ECM2: variants seen among roughly 807,000 people sequenced by gnomAD.
ECM2 encodes the protein extracellular matrix protein 2.
A neutral mutation model predicts 67.5 loss-of-function variants in ECM2; 57 were observed. The observed-to-expected ratio is 0.84, with a 90% CI of 0.68 to 1.05. ECM2 has a LOEUF of 1.05. Ranked by LOEUF, ECM2 falls within the 50% of genes least tolerant of loss-of-function variation. The pLI, the probability that ECM2 is intolerant of heterozygous loss-of-function variation, is 0.00. For synonymous variants in ECM2, 258 were observed against 294.5 expected (o/e 0.88, Z 1.27); for missense variants, 741 against 822.8 (o/e 0.90, Z 1.22).
the ECM2 span, among the ~76,000 whole-genome samples, chr9:92,555,506 G>A: frequency 6.6e-6 from 1 of 152,138 alleles, no homozygotes; most frequent in South Asian, 2.1e-4. Context: ...TGGGATTACA[G>A]GTATGAACCA....
intron 9 of ECM2, among the ~76,000 whole-genome samples, chr9:92,497,398 G>A (rs1385704910): frequency 6.6e-6 from 1 of 152,128 alleles, no homozygotes; most frequent in Non-Finnish European, 1.5e-5. Context: ...GCCAAGGTGG[G>A]TGGATCACCT....
intron 1 of ECM2, among the ~76,000 whole-genome samples, chr9:92,534,884 T>C (rs1350604969): frequency 1.3e-5 from 2 of 152,194 alleles, no homozygotes; most frequent in African/African-American, 4.8e-5. Context: ...CCTTCCATCC[T>C]GTTGTGAGGA....
intron 9 of ECM2, among the ~76,000 whole-genome samples, chr9:92,498,760 A>T (rs532624913): frequency 1.3e-5 from 2 of 152,344 alleles, no homozygotes; most frequent in Non-Finnish European, 2.9e-5. Context: ...AGTAATAATG[A>T]TGTCATTTTG....
At chr9:92,534,105 G>A (rs1473351606) in intron 1 of ECM2, among the ~76,000 whole-genome samples, 1 of 152,076 alleles carries the variant, frequency 6.6e-6, no homozygotes, top group Non-Finnish European at 1.5e-5. Context: ...GACTGTTCAA[G>A]GGTACATTTT....
chr9:92,542,372 G>C, the ECM2 span, among the ~76,000 whole-genome samples: 3 of 152,098 alleles, frequency 2.0e-5, no homozygotes, highest in East Asian at 5.8e-4. Context: ...TTCGTTTACT[G>C]TGTAGATATT....
intron 9 of ECM2, 38 bp downstream of exon 9, chr9:92,500,689 C>T: frequency 6.4e-7 from 1 of 1,571,548 alleles, no homozygotes; most frequent in Non-Finnish European, 8.6e-7. Flanking sequence ...TTTTGCCAAC[C>T]AAAATTTAAA....
At chr9:92,533,328 A>AAAAAAAAAATATATAT (rs1554683138) in intron 1 of ECM2, among the ~76,000 whole-genome samples, 2 of 38,332 alleles carry the variant, frequency 5.2e-5, no homozygotes, top group Non-Finnish European at 8.5e-5. Flanking sequence ...AAAAAAAAAA[A>AAAAAAAAAATATATAT]ATATATATAT....
intron 2 of ECM2, among the ~76,000 whole-genome samples, chr9:92,522,020 A>G (rs1270918183): frequency 6.6e-6 from 1 of 152,178 alleles, no homozygotes; most frequent in African/African-American, 2.4e-5. Context: ...ATTTTTGTCT[A>G]ATAATTATAA....
In ECM2 at chr9:92,496,523, T is replaced by C. The variant is rs776505176; in HGVS notation, c.1932-40A>G. The C allele has an allele frequency of 3.2e-6, 5 of 1,583,136 alleles. No homozygotes were observed. In the Admixed American group the frequency reaches 5.9e-5, roughly 19 times the overall value. On this transcript the variant is annotated intron_variant, in intron 9 of 9. Coordinates refer to ENST00000344604, the MANE Select transcript of ECM2 (RefSeq NM_001393.4). ...ACATGCAAGTCACACATGGTCCCAG[T>C]AATAATCTGCCTTTAGGAGTTAAGT... is the stretch of plus-strand genomic sequence containing the variant.
chr9:92,513,628 T>A (rs979254874), intron 4 of ECM2, among the ~76,000 whole-genome samples: 1 of 152,198 alleles, frequency 6.6e-6, no homozygotes, highest in Non-Finnish European at 1.5e-5. Flanking sequence ...GAACTACTGA[T>A]ACACAAAACA....
chr9:92,532,013 A>ATGTTTTTT (rs1848794903), intron 1 of ECM2, among the ~76,000 whole-genome samples: 1 of 68,914 alleles, frequency 1.5e-5, no homozygotes, highest in African/African-American at 1.2e-4. Context: ...TTTTTATTTA[A>ATGTTTTTT]TGTTTTTTTT....
At chr9:92,548,504 C>T in the ECM2 span, among the ~76,000 whole-genome samples, 1 of 152,052 alleles carries the variant, frequency 6.6e-6, no homozygotes, top group African/African-American at 2.4e-5. Context: ...TTTTCTACAA[C>T]ACAAATGTAG....
At position 92,500,833 on chromosome 9, in the gene ECM2, AATG is replaced by A; in HGVS notation, c.1822_1824del (p.His608del). The A allele has an allele frequency of 6.2e-7, 1 of 1,614,220 alleles. No individual in the cohort carries two copies. Among genetic ancestry groups the A allele is most frequent in the Non-Finnish European group, 8.5e-7 (1 of 1,180,038 alleles). Reference sequence around the variant, plus strand: ...TGATCCAGAAATAATTCTCTCAGAGAATGATATGCCCCATAGAAGGAGACACGG... The same window carrying A: ...TGATCCAGAAATAATTCTCTCAGAGAATATGCCCCATAGAAGGAGACACGG... On this transcript the variant is annotated inframe_deletion, in exon 9 of 10. Coordinates refer to ENST00000344604, the MANE Select transcript of ECM2 (RefSeq NM_001393.4).
Position 92,514,836 on chromosome 9 carries a change from C to T in ECM2, c.849G>A (p.Glu283=). 1 of 1,612,032 alleles carries T rather than the reference C, an allele frequency of 6.2e-7. No individual in the cohort carries two copies. The highest frequency in any genetic ancestry group is 8.5e-7 in the Non-Finnish European group (1 of 1,179,074). The part of the protein sequence containing the change: ...EDEEEEGEEG[E]EDEEDEEDPV... ...GGTCCTCCTCGTCCTCCTCATCCTC[C>T]TCACCCTCCTCACCCTCCTCCTCCT... The change falls in exon 4 of 10, where the codon GAG becomes GAA. Residue 283 remains glutamate (E), a synonymous_variant. Coordinates refer to ENST00000344604, the MANE Select transcript of ECM2 (RefSeq NM_001393.4).
upstream of ECM2, among the ~76,000 whole-genome samples, chr9:92,539,337 T>TC (rs1298674821): frequency 6.8e-6 from 1 of 147,816 alleles, no homozygotes; most frequent in Admixed American, 6.7e-5. Context: ...TCTCCCGCCT[T>TC]CCCCCGCTCC....
chr9:92,505,583 C>T lies in ECM2; in HGVS notation c.1414G>A (p.Gly472Arg). 6.2e-7 allele frequency: 1 copy of T among 1,608,016 alleles called. No homozygotes were observed. Among genetic ancestry groups the T allele is most frequent in the Non-Finnish European group, 8.5e-7 (1 of 1,178,514 alleles). ...GGTATAATTCTAAATTTATTTTTTC[C>T]CAGACGCAAGTAGGCTAGGCTCTTC... ...PLKSLAYLRL[G>R]KNKFRIIPQG... The change falls in exon 7 of 10, where the codon GGA (glycine) becomes AGA (arginine). Residue 472 changes from glycine (G) to arginine (R), a missense_variant. Gly to Arg is a moderately radical substitution (Grantham distance 125). Transcript: ENST00000344604.
intron 4 of ECM2, 57 bp from the exon 5 acceptor site, chr9:92,512,183 CAT>C (rs1265350456): frequency 1.8e-6 from 2 of 1,124,626 alleles, no homozygotes; most frequent in Non-Finnish European, 2.7e-6. Context: ...CATGTACACA[CAT>C]GTATGGGCAT....
chr9:92,509,558 C>T (rs1235240750), intron 6 of ECM2, among the ~76,000 whole-genome samples: 3 of 152,114 alleles, frequency 2.0e-5, no homozygotes, highest in South Asian at 2.1e-4. Context: ...ACAAAATTGT[C>T]GATCCATAAC....
the ECM2 span, among the ~76,000 whole-genome samples, chr9:92,557,268 T>C: frequency 6.6e-6 from 1 of 152,218 alleles, no homozygotes; most frequent in East Asian, 1.9e-4. Flanking sequence ...TCCTTCATCT[T>C]AACTTTGGAT....
Sources: gnomAD v4.1 joint callset for allele counts (sites outside exome capture counted in the v4.1 genomes callset) on GRCh38, gnomAD v4.1.1 for gene constraint, MANE v1.5 for transcripts, NCBI Gene and HGNC (gene_info 2026-07-23, HGNC 2026-07-21) for gene names.